Variants in TRAF3IP2 observed in about 807,000 individuals in gnomAD.
TRAF3IP2 encodes the protein TRAF3 interacting protein 2, also known as E3 ubiquitin ligase TRAF3IP2.
Under a neutral mutation model 57.9 loss-of-function variants are expected in TRAF3IP2, and 35 were observed. That is an observed-to-expected ratio of 0.60 (90% CI 0.46 to 0.80). TRAF3IP2 has a LOEUF of 0.80. Among genes scored for constraint, TRAF3IP2 ranks in the 30% least tolerant of loss-of-function variants. TRAF3IP2 has a pLI of 0.00. For synonymous variants in TRAF3IP2, 251 were observed against 268.9 expected (o/e 0.93, Z 0.65); for missense variants, 556 against 706.4 (o/e 0.79, Z 2.41).
intron 2 of TRAF3IP2, among the ~76,000 whole-genome samples, chr6:111,580,696 A>C (rs1056248488): frequency 2.6e-5 from 4 of 152,236 alleles, no homozygotes; most frequent in African/African-American, 9.6e-5. Flanking sequence ...ATACTTAGGA[A>C]AATCCAACCA....
rs1795501946 is a variant in TRAF3IP2, at chr6:111,562,962, T to C, written c.1551+3A>G. On this transcript the variant is annotated splice_donor_region_variant and intron_variant, in intron 8 of 8. Coordinates refer to ENST00000368761, the MANE Select transcript of TRAF3IP2 (RefSeq NM_147686.4). The stretch of plus-strand genomic sequence containing the variant: ...TGAGGATTTTGTTTCTTTGTTTGTT[T>C]ACCTTCTTAGCATTTGGGAAGAGCA... The C allele has an allele frequency of 6.2e-7, 1 of 1,608,266 alleles. No individual in the cohort carries two copies. Among genetic ancestry groups the C allele is most frequent in the African/African-American group, 1.3e-5 (1 of 74,982 alleles).
intron 8 of TRAF3IP2, among the ~76,000 whole-genome samples, chr6:111,562,208 A>G (rs1795470123): frequency 6.6e-6 from 1 of 152,190 alleles, no homozygotes; most frequent in Non-Finnish European, 1.5e-5. Context: ...AAAGCCTCAT[A>G]TGAATCACGG....
chr6:111,568,432 AGTGTGTGTGTGTGT>A (rs58088162), intron 5 of TRAF3IP2, among the ~76,000 whole-genome samples: 2,529 of 146,748 alleles, frequency 0.017, 30 homozygotes, highest in Non-Finnish European at 0.026. Flanking sequence ...TATACTGCAG[AGTGTGTGTGTGTGT>A]GTGTGTGTGT....
intron 1 of TRAF3IP2, among the ~76,000 whole-genome samples, chr6:111,602,959 G>C (rs1397591543): frequency 6.6e-6 from 1 of 152,154 alleles, no homozygotes; most frequent in Non-Finnish European, 1.5e-5. Context: ...GAGTTCAGCT[G>C]CCTTATCAGG....
Position 111,580,199 on chromosome 6 carries a change from G to A in TRAF3IP2, c.1020C>T (p.His340=), listed in dbSNP as rs200703649. The A allele has an allele frequency of 1.2e-4, 187 of 1,613,824 alleles. No homozygotes were observed. The Admixed American group carries it at 3.0e-3, about 26-fold the overall frequency. ...RDCSFPGLPR[H]QDQPHHQPPN... ...AAGGTTGGGCCTGTCATACTTACTGGTGCCTTGGAAGCCCCGGAAAGGAGC... is the reference window on the plus strand; with the variant it reads ...AAGGTTGGGCCTGTCATACTTACTGATGCCTTGGAAGCCCCGGAAAGGAGC... The change falls in exon 3 of 9, where the codon CAC becomes CAT. Residue 340 remains histidine (H), a splice_region_variant and synonymous_variant. Transcript: ENST00000368761.
rs750659136 is a variant in TRAF3IP2 at position 111,591,570 on chromosome 6, C to A, written c.517G>T (p.Gly173Cys). 19 of 1,614,212 alleles carry A rather than the reference C, an allele frequency of 1.2e-5. No individual in the cohort carries two copies. The East Asian group carries it at 4.2e-4, about 36-fold the overall frequency. The change falls in exon 2 of 9, where the codon GGT becomes TGT. Residue 173 changes from glycine to cysteine, a missense_variant. Physicochemically the swap from Gly to Cys is radical, Grantham distance 159. Coordinates refer to ENST00000368761, the MANE Select transcript of TRAF3IP2 (RefSeq NM_147686.4). This position sits in a 1 kb window ranked among gnomAD's most constrained non-coding sequence, Gnocchi z 4.9. ...GGCCGTTGCACCATCTCCTGGCTACCGCCCAAGGAGTCTGCTGAGGCATTA... is the reference window on the plus strand; with the variant it reads ...GGCCGTTGCACCATCTCCTGGCTACAGCCCAAGGAGTCTGCTGAGGCATTA... ...LPNASADSLG[G>C]SQEMVQRPQP...
At chr6:111,567,467 C>G in intron 6 of TRAF3IP2, 157 bp downstream of exon 6, 3 of 1,320,304 alleles carry the variant, frequency 2.3e-6, no homozygotes, top group Non-Finnish European at 2.9e-6. Context: ...TCCTTCCTTT[C>G]CAAGTCTTTG....
chr6:111,568,788 T>C (rs1284306894), intron 5 of TRAF3IP2, among the ~76,000 whole-genome samples: 1 of 152,064 alleles, frequency 6.6e-6, no homozygotes, highest in East Asian at 1.9e-4. Context: ...CCTGTCTACT[T>C]TACTCCCCAC....
At chr6:111,576,348 AT>A (rs1218714466) in intron 3 of TRAF3IP2, 1 of 152,436 alleles carries the variant, frequency 6.6e-6, no homozygotes, top group Non-Finnish European at 1.5e-5. Context: ...CATCTTTATT[AT>A]TTTCGTTGCC....
chr6:111,576,187 GAC>G (rs1161766155), intron 3 of TRAF3IP2, among the ~76,000 whole-genome samples: 7 of 152,164 alleles, frequency 4.6e-5, no homozygotes, highest in African/African-American at 1.7e-4. Context: ...CAGATAAAAA[GAC>G]ATGACTTTTA....
intron 4 of TRAF3IP2, among the ~76,000 whole-genome samples, chr6:111,574,982 G>A (rs899155320): frequency 1.3e-5 from 2 of 152,236 alleles, no homozygotes; most frequent in Non-Finnish European, 2.9e-5. Context: ...AGCACTTTGG[G>A]AGGCCAAGGC....
intron 1 of TRAF3IP2, among the ~76,000 whole-genome samples, chr6:111,596,520 C>G: frequency 6.6e-6 from 1 of 152,198 alleles, no homozygotes; most frequent in Non-Finnish European, 1.5e-5. Context: ...GTGGCACAAT[C>G]TCGGCTCACT....
Position 111,556,388 on chromosome 6 carries a change from G to A in TRAF3IP2, c.*3017C>T, listed in dbSNP as rs1346252981. 1 of 152,194 alleles carries A rather than the reference G, an allele frequency of 6.6e-6. No individual in the cohort carries two copies. The highest frequency in any genetic ancestry group is 1.5e-5 in the Non-Finnish European group (1 of 68,034). The allele number at this position is 152,194 out of a possible 1,614,324, so 9.4% of individuals were successfully genotyped here. ...TCAGAGCTTAGGACAGGTCTCTGAA[G>A]GGAGGAAGGGTTAATAACATCACAT... On this transcript the variant is annotated 3_prime_UTR_variant, in exon 9 of 9. Coordinates refer to ENST00000368761, the MANE Select transcript of TRAF3IP2 (RefSeq NM_147686.4).
At chr6:111,602,170 C>T (rs1290737354) in intron 1 of TRAF3IP2, 3 of 152,182 alleles carry the variant, frequency 2.0e-5, no homozygotes, top group African/African-American at 7.2e-5. Flanking sequence ...TATGAACCGA[C>T]CTGATTTGAG....
rs531373702 is a variant in TRAF3IP2, at chr6:111,587,581, A to G, written c.829+3677T>C. On this transcript the variant is annotated intron_variant, in intron 2 of 8. Transcript: ENST00000368761. ...TTTGCTATTTTTAAAAATCAACAAA[A>G]GTATATGAAATTAGAAGGAAAATAT... is the stretch of plus-strand genomic sequence containing the variant. Among the ~76,000 whole-genome samples the G allele has an allele frequency of 1.2e-4, 19 of 152,296 alleles. No homozygotes were observed. In the South Asian group the frequency reaches 3.9e-3, roughly 32 times the overall value.
At chr6:111,563,694 T>A (rs1385624705) in intron 7 of TRAF3IP2, among the ~76,000 whole-genome samples, 1 of 152,236 alleles carries the variant, frequency 6.6e-6, no homozygotes, top group East Asian at 1.9e-4. Context: ...GGCAACAGCA[T>A]GAGCAAATGT....
At chr6:111,577,668 C>T (rs545123875) in intron 3 of TRAF3IP2, among the ~76,000 whole-genome samples, 1 of 152,070 alleles carries the variant, frequency 6.6e-6, no homozygotes, top group Non-Finnish European at 1.5e-5. Context: ...CCACTATGCC[C>T]AACCTCAGTT....
At chr6:111,581,364 T>C (rs969142337) in intron 2 of TRAF3IP2, among the ~76,000 whole-genome samples, 1 of 152,110 alleles carries the variant, frequency 6.6e-6, no homozygotes, top group African/African-American at 2.4e-5. Flanking sequence ...GAGCACCTCC[T>C]AGTGATCCAA....
Position 111,580,303 on chromosome 6 carries a change from C to G in TRAF3IP2, c.916G>C (p.Gly306Arg). 6.2e-7 allele frequency: 1 copy of G among 1,610,798 alleles called. No individual in the cohort carries two copies. ...ATAACCTTCTGCACAGGGTGCAGGC[C>G]TCTCACACTGGCTCCAGGCAGGGGC... ...GQPLPGASVR[G>R]LHPVQKVILN... Residue 306 changes from glycine to arginine, a missense_variant, in exon 3 of 9, where the codon GGC (glycine) becomes CGC (arginine). Gly to Arg is a moderately radical substitution (Grantham distance 125). This residue lies in a region of TRAF3IP2 where 428 missense variants were observed against 498.7 expected (regional missense o/e 0.86). Coordinates refer to ENST00000368761, the MANE Select transcript of TRAF3IP2 (RefSeq NM_147686.4).
Sources: gnomAD v4.1 joint callset for allele counts (sites outside exome capture counted in the v4.1 genomes callset) on GRCh38, gnomAD v4.1.1 for gene constraint, gnomAD v4.1.1 regional missense constraint, Gnocchi (gnomAD v3.1) non-coding constraint, MANE v1.5 for transcripts, NCBI Gene and HGNC (gene_info 2026-07-23, HGNC 2026-07-21) for gene names.